SEC11C: variants seen among roughly 807,000 people sequenced by gnomAD.
SEC11C encodes the protein SEC11 homolog C, signal peptidase complex subunit.
SEC11C carries 10 observed loss-of-function variants against 21.9 expected under a neutral mutation model. That is an observed-to-expected ratio of 0.46 (90% confidence interval 0.28 to 0.77). The LOEUF (loss-of-function observed/expected upper bound fraction) is 0.77, where lower values mean the gene tolerates loss of function less well. Ranked by LOEUF, SEC11C falls within the 30% of genes least tolerant of loss-of-function variation. The probability of loss-of-function intolerance (pLI) is 0.12; values close to 1 mark genes in which losing one functional copy is unlikely to be tolerated. For missense variants in SEC11C, 145 were observed against 244.5 expected, an observed-to-expected ratio of 0.59 and a Z score of 2.71; for synonymous variants, 83 against 85.6, an observed-to-expected ratio of 0.97 and a Z score of 0.17.
intron 1 of SEC11C, chr18:59,147,743 T>C (rs556248581): frequency 6.6e-6 from 1 of 152,216 alleles, no homozygotes; most frequent in African/African-American, 2.4e-5. Context: ...CTCGCTCTCC[T>C]TGTCTTCCAC....
intron 1 of SEC11C, among the ~76,000 whole-genome samples, chr18:59,143,945 G>A (rs896065074): frequency 1.5e-4 from 22 of 151,062 alleles, no homozygotes; most frequent in African/African-American, 3.9e-4. Flanking sequence ...TCCGCCTCCC[G>A]GGTTCAAGCG....
intron 2 of SEC11C, among the ~76,000 whole-genome samples, chr18:59,151,796 T>C (rs2069358018): frequency 6.6e-6 from 1 of 152,228 alleles, no homozygotes; most frequent in Non-Finnish European, 1.5e-5. Context: ...CTAGGTCTTA[T>C]TTTCTCACGT....
At chr18:59,151,593 C>T (rs1309992548) in intron 2 of SEC11C, among the ~76,000 whole-genome samples, 2 of 152,126 alleles carry the variant, frequency 1.3e-5, no homozygotes, top group Non-Finnish European at 2.9e-5. Context: ...ACCTTCTGCA[C>T]CTGCTGAGAT....
At chr18:59,140,784 C>G (rs1320694983) in intron 1 of SEC11C, among the ~76,000 whole-genome samples, 1 of 152,166 alleles carries the variant, frequency 6.6e-6, no homozygotes, top group African/African-American at 2.4e-5. Context: ...TTTTTAGCCA[C>G]TTATTGGCCA....
At chr18:59,142,896 A>G (rs2069227874) in intron 1 of SEC11C, among the ~76,000 whole-genome samples, 1 of 152,204 alleles carries the variant, frequency 6.6e-6, no homozygotes, top group South Asian at 2.1e-4. Context: ...AATCACCACT[A>G]AAGAACTTAA....
chr18:59,143,855 C>CTTTTTCTTTTTTCT (rs779661802), intron 1 of SEC11C, among the ~76,000 whole-genome samples: 5 of 70,148 alleles, frequency 7.1e-5, no homozygotes, highest in Non-Finnish European at 1.1e-4. Context: ...CTGCCATTTT[C>CTTTTTCTTTTTTCT]TTTTTTTTTT....
chr18:59,150,244 G>C (rs1312451128), intron 2 of SEC11C, among the ~76,000 whole-genome samples: 2 of 152,232 alleles, frequency 1.3e-5, no homozygotes, highest in East Asian at 3.9e-4. Flanking sequence ...TGTCGGTCCA[G>C]TGTGTCTTAG....
At chr18:59,142,674 C>T (rs2069225689) in intron 1 of SEC11C, among the ~76,000 whole-genome samples, 1 of 152,198 alleles carries the variant, frequency 6.6e-6, no homozygotes, top group African/African-American at 2.4e-5. Flanking sequence ...TTTATCTCTT[C>T]TAACGGCTCA....
At chr18:59,144,124 G>A (rs1230822966) in intron 1 of SEC11C, among the ~76,000 whole-genome samples, 10 of 152,108 alleles carry the variant, frequency 6.6e-5, no homozygotes, top group Admixed American at 6.5e-4. Context: ...AAAGTGCTGG[G>A]ATTACAGGCA....
At chr18:59,140,066 G>A in intron 1 of SEC11C, 31 bp downstream of exon 1, 2 of 1,542,220 alleles carry the variant, frequency 1.3e-6, no homozygotes, top group Non-Finnish European at 1.8e-6. Context: ...GCGCGCCGTG[G>A]CCGGGACCGC....
At chr18:59,151,774 C>T (rs1269290203) in intron 2 of SEC11C, among the ~76,000 whole-genome samples, 1 of 152,194 alleles carries the variant, frequency 6.6e-6, no homozygotes, top group African/African-American at 2.4e-5. Context: ...CAGCCCCCGT[C>T]AAGCTGTATT....
intron 1 of SEC11C, chr18:59,147,240 T>C (rs1474600344): frequency 1.3e-5 from 2 of 152,194 alleles, no homozygotes; most frequent in African/African-American, 4.8e-5. Flanking sequence ...TACTCAATGC[T>C]CAAAAAGAGT....
At chr18:59,143,447 T>G (rs1015336084) in intron 1 of SEC11C, among the ~76,000 whole-genome samples, 2 of 152,170 alleles carry the variant, frequency 1.3e-5, no homozygotes, top group African/African-American at 4.8e-5. Context: ...CATTAACAAT[T>G]ATCTTAATTC....
chr18:59,158,606 G>A (rs2069446015), intron 5 of SEC11C, 26 bp from the exon 6 acceptor site: 1 of 1,608,562 alleles, frequency 6.2e-7, no homozygotes, highest in African/African-American at 1.3e-5. Context: ...ACCTCACAGT[G>A]ATTTTCCATT....
At chr18:59,154,959 A>T (rs2069403055) in intron 3 of SEC11C, among the ~76,000 whole-genome samples, 1 of 152,122 alleles carries the variant, frequency 6.6e-6, no homozygotes, top group Non-Finnish European at 1.5e-5. Flanking sequence ...CCAGCTACTC[A>T]GAGACGGAGG....
At position 59,150,896 on chromosome 18, in the gene SEC11C, GC is replaced by G. The variant is rs142792752; in HGVS notation, c.197+1277del. On this transcript the variant is annotated intron_variant, in intron 2 of 5. Coordinates refer to ENST00000587834, the MANE Select transcript of SEC11C (RefSeq NM_033280.4). ...CCAACATTAGATCTGAGATTTCCTG[GC>G]CCTCCTCAAATCTCACAGACACACT... is the stretch of plus-strand genomic sequence containing the variant. Among the ~76,000 whole-genome samples, 530 of 152,152 alleles carry G rather than the reference GC, an allele frequency of 3.5e-3. 3 individuals are homozygous for G. The highest frequency in any genetic ancestry group is 0.012 in the African/African-American group (509 of 41,500).
At position 59,155,974 on chromosome 18, in the gene SEC11C, A is replaced by G. The variant is rs1169000219; in HGVS notation, c.467+167A>G. 5.6e-6 allele frequency: 4 copies of G among 709,744 alleles called. No individual in the cohort carries two copies. The Admixed American group carries it at 1.2e-4, about 22-fold the overall frequency. 44.0% of individuals were successfully genotyped at this position (709,744 alleles called of 1,614,324 possible). ...GACTAAATACAACTTAGAAATTCCT[A>G]AAGACCTAAAATCTAAAACTGAACC... On this transcript the variant is annotated intron_variant, in intron 4 of 5. Coordinates refer to ENST00000587834, the MANE Select transcript of SEC11C (RefSeq NM_033280.4).
chr18:59,157,301 G>C (rs770251132), intron 4 of SEC11C: 5 of 247,068 alleles, frequency 2.0e-5, no homozygotes, highest in Non-Finnish European at 3.8e-5. Context: ...ATAAAAACTA[G>C]ATTTGTGAAA....
rs115347843 is a variant in SEC11C, at chr18:59,155,790, G to A, written c.450G>A (p.Val150=). Residue 150 remains valine (V), a synonymous_variant, in exon 4 of 6, where the codon GTG becomes GTA. Transcript: ENST00000587834. ...AGAACTGGCTGGAAAAGAAGGACGT[G>A]GTGGGAAGAGCAAGAGGGTGAGGAT... ...EGQNWLEKKD[V]VGRARGFLPY... The A allele has an allele frequency of 2.5e-6, 4 of 1,613,802 alleles. No homozygotes were observed. Among genetic ancestry groups the A allele is most frequent in the Non-Finnish European group, 3.4e-6 (4 of 1,179,840 alleles).
Sources: allele counts gnomAD v4.1 joint callset (sites outside exome capture counted in the v4.1 genomes callset), GRCh38; gene constraint gnomAD v4.1.1; transcripts MANE v1.5; gene names NCBI Gene and HGNC (gene_info 2026-07-23, HGNC 2026-07-21).